Variants in IL1RL1 observed in about 807,000 individuals in gnomAD.
IL1RL1 encodes interleukin 1 receptor like 1.
In IL1RL1, 32 loss-of-function variants were observed where a neutral mutation model predicts 50.9. The ratio of observed to expected loss-of-function variants is 0.63; its 90% CI spans 0.47 to 0.84. IL1RL1 has a LOEUF of 0.84. Among genes scored for constraint, IL1RL1 ranks in the 40% least tolerant of loss-of-function variants. IL1RL1 has a pLI of 0.00. For synonymous variants in IL1RL1, 275 were observed against 236.0 expected (o/e 1.17, Z -1.51); for missense variants, 773 against 662.9 (o/e 1.17, Z -1.82).
chr2:102,320,648 A>T (rs983860825), intron 1 of IL1RL1, among the ~76,000 whole-genome samples: 1 of 152,124 alleles, frequency 6.6e-6, no homozygotes, highest in South Asian at 2.1e-4. Context: ...TAATTCAGTA[A>T]CTAGCAACCC....
intron 1 of IL1RL1, among the ~76,000 whole-genome samples, chr2:102,323,325 C>T (rs1430178190): frequency 4.2e-5 from 6 of 144,360 alleles, no homozygotes; most frequent in African/African-American, 1.3e-4. Flanking sequence ...AATTTATATA[C>T]ACTAAAATAC....
At chr2:102,330,309 G>A (rs1438507887) in intron 1 of IL1RL1, among the ~76,000 whole-genome samples, 1 of 150,534 alleles carries the variant, frequency 6.6e-6, no homozygotes, top group Non-Finnish European at 1.5e-5. Context: ...ATGGACACAG[G>A]AAGGGGAACA....
intron 1 of IL1RL1, among the ~76,000 whole-genome samples, chr2:102,334,718 G>T (rs1677265688): frequency 6.6e-6 from 1 of 151,378 alleles, no homozygotes; most frequent in African/African-American, 2.5e-5. Flanking sequence ...AGTAAGAGCA[G>T]GCCACACATG....
In IL1RL1 at chr2:102,338,322, T is replaced by C; in HGVS notation, c.58T>C (p.Phe20Leu). 1.3e-6 allele frequency: 2 copies of C among 1,571,052 alleles called. No individual in the cohort carries two copies. The highest frequency in any genetic ancestry group is 3.3e-4 in the Middle Eastern group (2 of 5,984). Residue 20 changes from phenylalanine to leucine, a missense_variant, in exon 2 of 11, where the codon TTT becomes CTT. By Grantham distance (22) the Phe-to-Leu change is conservative. Coordinates refer to ENST00000233954, the MANE Select transcript of IL1RL1 (RefSeq NM_016232.5). Reference protein sequence around the residue: ...TILMYSTAAKFSKQSWGLENE... With the variant: ...TILMYSTAAKLSKQSWGLENE... Reference sequence around the variant, plus strand: ...TCTCATGTATTCCACAGCAGCAAAGTTTAGTAAGTATTGCCTTCTAAGTAT... The same window carrying C: ...TCTCATGTATTCCACAGCAGCAAAGCTTAGTAAGTATTGCCTTCTAAGTAT...
In IL1RL1 at chr2:102,321,887, G is replaced by T. The variant is rs1351747110; in HGVS notation, c.-150+10264G>T. On this transcript the variant is annotated intron_variant, in intron 1 of 10. Coordinates refer to ENST00000233954, the MANE Select transcript of IL1RL1 (RefSeq NM_016232.5). ...AAACATTATTGTGCGGTTCGCTATA[G>T]TTACATTTAAAACAGTCCGAAGTCA... is the stretch of plus-strand genomic sequence containing the variant. Among the ~76,000 whole-genome samples, 17 of 152,188 alleles carry T rather than the reference G, an allele frequency of 1.1e-4. 1 individual carries two copies. The highest frequency in any genetic ancestry group is 1.0e-3 in the Admixed American group (16 of 15,282).
In IL1RL1 at chr2:102,338,323, T is replaced by C. The variant is rs1677407527; in HGVS notation, c.59T>C (p.Phe20Ser). 6.5e-7 allele frequency: 1 copy of C among 1,546,106 alleles called. No individual in the cohort carries two copies. The highest frequency in any genetic ancestry group is 8.9e-7 in the Non-Finnish European group (1 of 1,121,122). ...CTCATGTATTCCACAGCAGCAAAGT[T>C]TAGTAAGTATTGCCTTCTAAGTATA... The part of the protein sequence containing the change: ...TILMYSTAAK[F>S]SKQSWGLENE... Residue 20 changes from phenylalanine to serine, a missense_variant and splice_region_variant, in exon 2 of 11, where the codon TTT becomes TCT. Transcript: ENST00000233954.
Position 102,351,673 on chromosome 2 carries a change from G to T in IL1RL1, c.1423G>T (p.Ala475Ser). 5.0e-6 allele frequency: 8 copies of T among 1,614,096 alleles called. No individual in the cohort carries two copies. Among genetic ancestry groups the T allele is most frequent in the Non-Finnish European group, 6.8e-6 (8 of 1,180,028 alleles). ...GCACTGTGCCCTCATCCAGAACGAC[G>T]CCAAGGTGATACTTATTGAGATGGA... ...ALHCALIQND[A>S]KVILIEMEAL... The change falls in exon 11 of 11, where the codon GCC (alanine) becomes TCC (serine). Residue 475 changes from alanine (A) to serine (S), a missense_variant. Physicochemically the swap from Ala to Ser is moderately conservative, Grantham distance 99. Transcript: ENST00000233954.
At chr2:102,311,879 A>AAT (rs1491502947) in intron 1 of IL1RL1, among the ~76,000 whole-genome samples, 3 of 43,050 alleles carry the variant, frequency 7.0e-5, no homozygotes, top group African/African-American at 3.4e-4. Context: ...TATATTATAT[A>AAT]ATATAATATA....
chr2:102,343,557 T>G (rs1677665942), intron 8 of IL1RL1, 142 bp downstream of exon 8: 1 of 1,552,006 alleles, frequency 6.4e-7, no homozygotes, highest in Non-Finnish European at 8.7e-7. Context: ...GGGATGTTGT[T>G]TGCTGTCTGA....
rs1336214912 is a variant in IL1RL1 at position 102,312,021 on chromosome 2, A to T, written c.-150+398A>T. Among the ~76,000 whole-genome samples the T allele has an allele frequency of 5.3e-5, 3 of 56,132 alleles. 1 individual carries two copies. Among genetic ancestry groups the T allele is most frequent in the Admixed American group, 6.0e-4 (2 of 3,342 alleles). 36.8% of individuals were successfully genotyped at this position (56,132 alleles called of 152,430 possible). On this transcript the variant is annotated intron_variant, in intron 1 of 10. Coordinates refer to ENST00000233954, the MANE Select transcript of IL1RL1 (RefSeq NM_016232.5). The stretch of plus-strand genomic sequence containing the variant: ...AATATATTTATATATATTATATATA[A>T]TATATATTATATATTAAATATTATA...
Position 102,351,951 on chromosome 2 carries a change from G to C in IL1RL1, c.*30G>C. ...TGCTGTGATGTGCAAAGGCATCTGA[G>C]TTTGAAGCTTTCCTGACTTCTCCTA... is the stretch of plus-strand genomic sequence containing the variant. On this transcript the variant is annotated 3_prime_UTR_variant, in exon 11 of 11. Transcript: ENST00000233954. 1 of 1,570,102 alleles carries C rather than the reference G, an allele frequency of 6.4e-7. No homozygotes were observed. Among genetic ancestry groups the C allele is most frequent in the East Asian group, 2.2e-5 (1 of 44,624 alleles).
chr2:102,345,360 G>A, intron 8 of IL1RL1: 2 of 985,410 alleles, frequency 2.0e-6, no homozygotes, highest in Non-Finnish European at 2.4e-6. Context: ...CATCCTGTTT[G>A]CTATATGAAG....
chr2:102,320,995 C>T (rs537014883), intron 1 of IL1RL1, among the ~76,000 whole-genome samples: 2 of 152,354 alleles, frequency 1.3e-5, no homozygotes, highest in South Asian at 2.1e-4. Flanking sequence ...AGTCTCTACC[C>T]CTCTCCAACC....
rs1383037814 is a variant in IL1RL1 at position 102,340,803 on chromosome 2, G to A, written c.585G>A (p.Thr195=). ...HNENGANYSV[T]ATRSFTVKDE... ...AAAATGGAGCCAATTATAGTGTGAC[G>A]GCGACCAGGTCCTTCACGGTCAAGG... The change falls in exon 5 of 11, where the codon ACG becomes ACA. Residue 195 remains threonine (T), a synonymous_variant. Coordinates refer to ENST00000233954, the MANE Select transcript of IL1RL1 (RefSeq NM_016232.5). The A allele has an allele frequency of 1.5e-5, 24 of 1,576,818 alleles. 1 individual carries two copies. The highest frequency in any genetic ancestry group is 2.0e-5 in the Admixed American group (1 of 48,890).
At chr2:102,339,981 C>G (rs1677478464) in intron 3 of IL1RL1, 117 bp from the exon 4 acceptor site, 1 of 490,072 alleles carries the variant, frequency 2.0e-6, no homozygotes, top group Non-Finnish European at 3.4e-6. Flanking sequence ...ATAAAATAAC[C>G]ATTATGTATA....
At chr2:102,329,253 T>A (rs1297094452) in intron 1 of IL1RL1, among the ~76,000 whole-genome samples, 2 of 152,204 alleles carry the variant, frequency 1.3e-5, no homozygotes, top group African/African-American at 4.8e-5. Context: ...ATTCCCTATT[T>A]AACAAAGGGT....
chr2:102,325,751 A>G (rs189419097), intron 1 of IL1RL1, among the ~76,000 whole-genome samples: 1 of 152,234 alleles, frequency 6.6e-6, no homozygotes, highest in African/African-American at 2.4e-5. Flanking sequence ...AAAGGGTATC[A>G]GTGACGGAAG....
At chr2:102,330,767 AATG>A (rs1677156843) in intron 1 of IL1RL1, among the ~76,000 whole-genome samples, 2 of 152,226 alleles carry the variant, frequency 1.3e-5, no homozygotes, top group South Asian at 2.1e-4. Context: ...TTCAAATTCT[AATG>A]ATGTCTTTGA....
chr2:102,322,408 G>T (rs776755601), intron 1 of IL1RL1, among the ~76,000 whole-genome samples: 4 of 152,144 alleles, frequency 2.6e-5, no homozygotes, highest in Admixed American at 6.6e-5. Flanking sequence ...AAAAATGATC[G>T]AAACCAGAAT....
Sources: gnomAD v4.1 joint callset for allele counts (sites outside exome capture counted in the v4.1 genomes callset) on GRCh38, gnomAD v4.1.1 for gene constraint, MANE v1.5 for transcripts, NCBI Gene and HGNC (gene_info 2026-07-23, HGNC 2026-07-21) for gene names.